The following DLGAP1 variants were observed in gnomAD, a reference collection of about 807,000 sequenced individuals.
DLGAP1 encodes DLG associated protein 1, also known as disks large-associated protein 1.
In DLGAP1, 11 loss-of-function variants were observed where a neutral mutation model predicts 90.8. The observed-to-expected ratio is 0.12, with a 90% confidence interval of 0.08 to 0.20. The LOEUF is 0.20. DLGAP1 is among the 10% of genes least tolerant of loss of function. The pLI, the probability that DLGAP1 is intolerant of heterozygous loss-of-function variation, is 1.00. For missense variants in DLGAP1, 1,050 were observed against 1,333.8 expected, an observed-to-expected ratio of 0.79 and a Z score of 3.31; for synonymous variants, 558 against 540.7, an observed-to-expected ratio of 1.03 and a Z score of -0.44.
chr18:3,585,983 C>A (rs1025694377), intron 7 of DLGAP1, among the ~76,000 whole-genome samples: 15 of 152,286 alleles, frequency 9.8e-5, no homozygotes, highest in African/African-American at 3.6e-4. Context: ...TCCTACACTC[C>A]CCAGGCCAAC....
chr18:4,102,881 A>T (rs2075802483), intron 2 of DLGAP1, among the ~76,000 whole-genome samples: 1 of 152,158 alleles, frequency 6.6e-6, no homozygotes, highest in Non-Finnish European at 1.5e-5. Flanking sequence ...TCTTTGTGTT[A>T]GAGAAACTTT....
chr18:4,423,896 G>A (rs565930071), intron 1 of DLGAP1, among the ~76,000 whole-genome samples: 28 of 147,712 alleles, frequency 1.9e-4, no homozygotes, highest in East Asian at 2.0e-4. Context: ...GCTCCCGCCT[G>A]TAATCCCAGC....
chr18:4,440,322 C>T (rs997191386), intron 1 of DLGAP1, among the ~76,000 whole-genome samples: 8 of 151,896 alleles, frequency 5.3e-5, no homozygotes, highest in Non-Finnish European at 1.5e-5. Context: ...TATAGAATGA[C>T]TAATAGAATA....
intron 5 of DLGAP1, among the ~76,000 whole-genome samples, chr18:3,744,703 G>A (rs573001212): frequency 2.6e-5 from 4 of 152,104 alleles, no homozygotes; most frequent in African/African-American, 9.6e-5. Context: ...ACGCCACCGC[G>A]GCCGGCTAAT....
intron 2 of DLGAP1, among the ~76,000 whole-genome samples, chr18:4,148,826 A>G (rs753270007): frequency 6.6e-6 from 1 of 152,202 alleles, no homozygotes; most frequent in Non-Finnish European, 1.5e-5. Context: ...GAGTTTATCA[A>G]TTATATTCTT....
intron 1 of DLGAP1, among the ~76,000 whole-genome samples, chr18:4,187,400 A>C (rs973854578): frequency 3.3e-5 from 5 of 152,140 alleles, no homozygotes; most frequent in African/African-American, 1.2e-4. Flanking sequence ...TTGATCCCCC[A>C]AAATTTGTAT....
rs758016987 is a variant in DLGAP1 at position 4,266,121 on chromosome 18, C to T, written c.-266-114834G>A. Reference sequence around the variant, plus strand: ...AGGATACACAAAAGATCATTTTGACCATGGAGTTACTTTTCATTTAGCTGA... The same window carrying T: ...AGGATACACAAAAGATCATTTTGACTATGGAGTTACTTTTCATTTAGCTGA... On this transcript the variant is annotated intron_variant, in intron 1 of 12. Coordinates refer to ENST00000315677, the MANE Select transcript of DLGAP1 (RefSeq NM_004746.4). Among the ~76,000 whole-genome samples the T allele has an allele frequency of 3.9e-5, 6 of 151,972 alleles. No homozygotes were observed. The South Asian group carries it at 1.2e-3, about 32-fold the overall frequency.
At chr18:3,870,608 C>T (rs1055143997) in intron 4 of DLGAP1, among the ~76,000 whole-genome samples, 34 of 82,782 alleles carry the variant, frequency 4.1e-4, no homozygotes, top group African/African-American at 1.3e-3. Flanking sequence ...ATAAATACAT[C>T]TATCTATCTA....
chr18:3,657,847 G>A (rs536621824), intron 7 of DLGAP1, among the ~76,000 whole-genome samples: 5 of 151,460 alleles, frequency 3.3e-5, no homozygotes, highest in East Asian at 1.9e-4. Flanking sequence ...CTCGTGATCC[G>A]CCCGCCTCGG....
chr18:4,386,047 G>A (rs2082223795), intron 1 of DLGAP1, among the ~76,000 whole-genome samples: 1 of 152,150 alleles, frequency 6.6e-6, no homozygotes, highest in East Asian at 1.9e-4. Context: ...GCTAAATGAA[G>A]TGTCACATTT....
chr18:4,024,237 C>T (rs914891728), intron 2 of DLGAP1, among the ~76,000 whole-genome samples: 3 of 152,134 alleles, frequency 2.0e-5, no homozygotes, highest in African/African-American at 4.8e-5. Flanking sequence ...TTGTCAAAGA[C>T]AAAGTATTAG....
At chr18:3,536,191 C>T (rs192260882) in intron 9 of DLGAP1, among the ~76,000 whole-genome samples, 1 of 148,976 alleles carries the variant, frequency 6.7e-6, no homozygotes, top group African/African-American at 2.5e-5. Context: ...TCCTTCCTTC[C>T]TTCTTTCTTT....
intron 10 of DLGAP1, among the ~76,000 whole-genome samples, chr18:3,523,219 C>CA (rs992957852): frequency 1.3e-5 from 2 of 151,258 alleles, no homozygotes; most frequent in Non-Finnish European, 3.0e-5. Flanking sequence ...CTAAAAAATA[C>CA]AAAAAAATTT....
At chr18:3,953,767 T>C (rs1011374134) in intron 3 of DLGAP1, among the ~76,000 whole-genome samples, 2 of 152,234 alleles carry the variant, frequency 1.3e-5, no homozygotes, top group Admixed American at 6.5e-5. Flanking sequence ...ATTTCCATAG[T>C]GTTTTTAAAT....
At chr18:3,516,997 C>T (rs1377502795) in intron 10 of DLGAP1, among the ~76,000 whole-genome samples, 2 of 152,202 alleles carry the variant, frequency 1.3e-5, no homozygotes, top group African/African-American at 4.8e-5. Flanking sequence ...TGTCAGTGAG[C>T]AGCAATATTT....
At chr18:3,585,358 C>T (rs557630021) in intron 7 of DLGAP1, among the ~76,000 whole-genome samples, 4 of 152,164 alleles carry the variant, frequency 2.6e-5, no homozygotes, top group African/African-American at 4.8e-5. Context: ...CTGGGAGTAA[C>T]GCTCATCTCA....
Position 4,357,222 on chromosome 18 carries a change from C to T in DLGAP1, c.-267+97784G>A, listed in dbSNP as rs575579750. Among the ~76,000 whole-genome samples the T allele has an allele frequency of 4.0e-4, 58 of 144,702 alleles. 1 individual carries two copies. Among genetic ancestry groups the T allele is most frequent in the African/African-American group, 1.4e-3 (54 of 38,810 alleles). 94.9% of individuals were successfully genotyped at this position (144,702 alleles called of 152,430 possible). A position where few individuals can be genotyped will look rare whatever the true frequency, so the allele number is the denominator to read the frequency against. On this transcript the variant is annotated intron_variant, in intron 1 of 12. Transcript: ENST00000315677. ...AGGCTAGAGTGCAGTAGCACCATCTCGGCTCACTGCAACCTCCACCTCCTG... is the reference window on the plus strand; with the variant it reads ...AGGCTAGAGTGCAGTAGCACCATCTTGGCTCACTGCAACCTCCACCTCCTG...
intron 3 of DLGAP1, among the ~76,000 whole-genome samples, chr18:3,999,966 T>C (rs2074148438): frequency 6.6e-6 from 1 of 152,128 alleles, no homozygotes; most frequent in Admixed American, 6.5e-5. Context: ...CACATGCCAC[T>C]GCGCCTGGCT....
chr18:3,741,194 C>T (rs1457647440), intron 6 of DLGAP1, among the ~76,000 whole-genome samples: 4 of 120,626 alleles, frequency 3.3e-5, no homozygotes, highest in Admixed American at 8.3e-5. Flanking sequence ...ACCACCACCA[C>T]CACCAAATCA....
Sources: gnomAD v4.1 joint callset for allele counts (sites outside exome capture counted in the v4.1 genomes callset) on GRCh38, gnomAD v4.1.1 for gene constraint, MANE v1.5 for transcripts, NCBI Gene and HGNC (gene_info 2026-07-23, HGNC 2026-07-21) for gene names.